RBP5: variants seen among roughly 807,000 people sequenced by gnomAD.
RBP5 encodes the protein retinol binding protein 5.
Under a neutral mutation model 17.8 loss-of-function variants are expected in RBP5, and 12 were observed. That is an observed-to-expected ratio of 0.67 (90% CI 0.43 to 1.09). RBP5 has a LOEUF of 1.09. Among genes scored for constraint, RBP5 ranks in the 50% least tolerant of loss-of-function variants. RBP5 has a pLI of 0.00. For missense variants in RBP5, 172 were observed against 169.4 expected (o/e 1.02, Z -0.09); for synonymous variants, 64 against 68.1 (o/e 0.94, Z 0.30).
At chr12:7,120,363 G>A (rs1358469802), downstream of RBP5, 2 of 154,514 alleles carry the variant, frequency 1.3e-5, no homozygotes, top group African/African-American at 4.8e-5. Context: ...CAGGCCTGGA[G>A]AGTGCCGATT....
At position 7,128,363 on chromosome 12, in the gene RBP5, G is replaced by A. The variant is rs1565646027; in HGVS notation, c.129C>T (p.Ile43=). ...IALLLKPDKE[I]EHQGNHMTVR... ...CCGTCATGTGGTTGCCCTGGTGTTC[G>A]ATCTCCTTGTCCGGCTTCAGCAGCA... The change falls in exon 2 of 4, where the codon ATC becomes ATT. Residue 43 remains isoleucine (I), a synonymous_variant. Coordinates refer to ENST00000266560, the MANE Select transcript of RBP5 (RefSeq NM_031491.4). This position sits in a 1 kb window ranked among gnomAD's most constrained non-coding sequence, Gnocchi z 5.3. The A allele has an allele frequency of 1.2e-6, 2 of 1,614,176 alleles. No individual in the cohort carries two copies. The highest frequency in any genetic ancestry group is 2.2e-5 in the East Asian group (1 of 44,890).
chr12:7,126,558 T>TGC (rs2135784136), intron 2 of RBP5, among the ~76,000 whole-genome samples: 1 of 145,050 alleles, frequency 6.9e-6, no homozygotes, highest in East Asian at 2.0e-4. Context: ...TGTGTGTGTG[T>TGC]GCTGGGAGCC....
In RBP5 at chr12:7,128,430, G is replaced by A; in HGVS notation, c.74-12C>T. The A allele has an allele frequency of 6.2e-7, 1 of 1,613,556 alleles. No individual in the cohort carries two copies. The highest frequency in any genetic ancestry group is 8.5e-7 in the Non-Finnish European group (1 of 1,179,628). Reference sequence around the variant, plus strand: ...AGCCAAGCTGATGTCTGTGGGGGCTGCCTGTTAGTAGGGGTGCTGCTAGCC... The same window carrying A: ...AGCCAAGCTGATGTCTGTGGGGGCTACCTGTTAGTAGGGGTGCTGCTAGCC... On this transcript the variant is annotated splice_polypyrimidine_tract_variant and intron_variant, in intron 1 of 3. Coordinates refer to ENST00000266560, the MANE Select transcript of RBP5 (RefSeq NM_031491.4). This position sits in a 1 kb window ranked among gnomAD's most constrained non-coding sequence, Gnocchi z 5.3.
At position 7,128,378 on chromosome 12, in the gene RBP5, C is replaced by A. The variant is rs761628571; in HGVS notation, c.114G>T (p.Lys38Asn). ...CCTGGTGTTCGATCTCCTTGTCCGG[C>A]TTCAGCAGCAGCGCGATCTTCCGCA... ...LAVRKIALLL[K>N]PDKEIEHQGN... is the part of the protein sequence containing the mutation. The change falls in exon 2 of 4, where the codon AAG becomes AAT. Residue 38 changes from lysine to asparagine, a missense_variant. Lys to Asn is a moderately conservative substitution (Grantham distance 94). Coordinates refer to ENST00000266560, the MANE Select transcript of RBP5 (RefSeq NM_031491.4). This position sits in a 1 kb window ranked among gnomAD's most constrained non-coding sequence, Gnocchi z 5.3. 35 of 1,614,114 alleles carry A rather than the reference C, an allele frequency of 2.2e-5. 1 individual carries two copies. In the Admixed American group the frequency reaches 2.8e-4, roughly 13 times the overall value.
rs764948725 is a variant in RBP5 at position 7,128,380 on chromosome 12, T to G, written c.112A>C (p.Lys38Gln). ...LAVRKIALLL[K>Q]PDKEIEHQGN... ...TGGTGTTCGATCTCCTTGTCCGGCTTCAGCAGCAGCGCGATCTTCCGCACA... is the reference window on the plus strand; with the variant it reads ...TGGTGTTCGATCTCCTTGTCCGGCTGCAGCAGCAGCGCGATCTTCCGCACA... The change falls in exon 2 of 4, where the codon AAG becomes CAG. Residue 38 changes from lysine (K) to glutamine (Q), a missense_variant. Coordinates refer to ENST00000266560, the MANE Select transcript of RBP5 (RefSeq NM_031491.4). This position sits in a 1 kb window ranked among gnomAD's most constrained non-coding sequence, Gnocchi z 5.3. The G allele has an allele frequency of 1.0e-4, 168 of 1,614,058 alleles. No homozygotes were observed. Among genetic ancestry groups the G allele is most frequent in the Non-Finnish European group, 9.6e-5 (113 of 1,180,014 alleles).
exon 4 of RBP5, chr12:7,116,278 C>T (rs1939003586): frequency 6.6e-6 from 1 of 152,208 alleles, no homozygotes; most frequent in African/African-American, 2.4e-5. Flanking sequence ...AACTGACCAT[C>T]CAGGTTTGGC....
At chr12:7,122,954 G>C (rs1018904330), downstream of RBP5, among the ~76,000 whole-genome samples, 1 of 151,976 alleles carries the variant, frequency 6.6e-6, no homozygotes, top group Non-Finnish European at 1.5e-5. Flanking sequence ...TGACTGTCTT[G>C]TGTGCATGGG....
At chr12:7,122,694 G>A (rs1217435557), downstream of RBP5, among the ~76,000 whole-genome samples, 1 of 151,972 alleles carries the variant, frequency 6.6e-6, no homozygotes, top group Non-Finnish European at 1.5e-5. Flanking sequence ...GGCAATGGGC[G>A]AGTACACACG....
Position 7,128,828 on chromosome 12 carries a change from G to A in RBP5, c.-53C>T, listed in dbSNP as rs116879695. The A allele has an allele frequency of 7.1e-7, 1 of 1,400,822 alleles. No homozygotes were observed. The highest frequency in any genetic ancestry group is 1.2e-5 in the South Asian group (1 of 81,282). 86.8% of individuals were successfully genotyped at this position (1,400,822 alleles called of 1,614,324 possible). ...CAGGAGACAGGGTGAGGAAGGAGGG[G>A]GTGTTGTCTGGCAGGTGAGGCTGAG... is the stretch of plus-strand genomic sequence containing the variant. On this transcript the variant is annotated 5_prime_UTR_variant, in exon 1 of 4. Coordinates refer to ENST00000266560, the MANE Select transcript of RBP5 (RefSeq NM_031491.4). This position sits in a 1 kb window ranked among gnomAD's most constrained non-coding sequence, Gnocchi z 5.3.
Position 7,124,246 on chromosome 12 carries a change from C to T in RBP5, c.355-72G>A. ...CCAGCCAGAGCCCCTTTCTCAAGGT[C>T]CTTGACCTCCATTTACTCCTTCCGG... On this transcript the variant is annotated intron_variant, in intron 3 of 3. Transcript: ENST00000266560. The surrounding 1 kb of genome is among the most constrained non-coding windows in gnomAD (Gnocchi z 5.3). 7.2e-7 allele frequency: 1 copy of T among 1,388,404 alleles called. No homozygotes were observed. Among genetic ancestry groups the T allele is most frequent in the Non-Finnish European group, 1.0e-6 (1 of 977,386 alleles). The allele number at this position is 1,388,404 out of a possible 1,614,324, so 86.0% of individuals were successfully genotyped here. A position where few individuals can be genotyped will look rare whatever the true frequency, so the allele number is the denominator to read the frequency against.
At chr12:7,129,689 C>T, upstream of RBP5, 1 of 985,556 alleles carries the variant, frequency 1.0e-6, no homozygotes, top group Non-Finnish European at 1.2e-6. This position sits in a 1 kb window ranked among gnomAD's most constrained non-coding sequence, Gnocchi z 5.5. Context: ...GCCCCGCCCC[C>T]AGCTGCCCAA....
In RBP5 at chr12:7,128,494, T is replaced by A; in HGVS notation, c.74-76A>T. Reference sequence around the variant, plus strand: ...TCTGCCTGCAGCAGCCCCTCAGGGCTGTGAGTTTCCCTTCTTTGGGTCTGG... The same window carrying A: ...TCTGCCTGCAGCAGCCCCTCAGGGCAGTGAGTTTCCCTTCTTTGGGTCTGG... On this transcript the variant is annotated intron_variant, in intron 1 of 3. Transcript: ENST00000266560. This position sits in a 1 kb window ranked among gnomAD's most constrained non-coding sequence, Gnocchi z 5.3. 6.7e-7 allele frequency: 1 copy of A among 1,483,484 alleles called. No individual in the cohort carries two copies. The highest frequency in any genetic ancestry group is 9.3e-7 in the Non-Finnish European group (1 of 1,072,036). The allele number at this position is 1,483,484 out of a possible 1,614,324, so 91.9% of individuals were successfully genotyped here. A position where few individuals can be genotyped will look rare whatever the true frequency, so the allele number is the denominator to read the frequency against.
upstream of RBP5, chr12:7,128,900 G>C: frequency 2.6e-6 from 2 of 779,590 alleles, no homozygotes; most frequent in South Asian, 3.0e-5. The surrounding 1 kb of genome is among the most constrained non-coding windows in gnomAD (Gnocchi z 5.3). Flanking sequence ...GTAATGGCCG[G>C]GTTACCAGGG....
At chr12:7,126,997 T>A (rs1250468972) in intron 2 of RBP5, among the ~76,000 whole-genome samples, 68 of 145,594 alleles carry the variant, frequency 4.7e-4, no homozygotes, top group Non-Finnish European at 8.7e-4. Context: ...TATTTTTTTT[T>A]TTTTTTTTTT....
Position 7,124,244 on chromosome 12 carries a change from G to C in RBP5, c.355-70C>G. On this transcript the variant is annotated intron_variant, in intron 3 of 3. Coordinates refer to ENST00000266560, the MANE Select transcript of RBP5 (RefSeq NM_031491.4). This position sits in a 1 kb window ranked among gnomAD's most constrained non-coding sequence, Gnocchi z 5.3. ...TGCCAGCCAGAGCCCCTTTCTCAAG[G>C]TCCTTGACCTCCATTTACTCCTTCC... The C allele has an allele frequency of 7.1e-7, 1 of 1,410,020 alleles. No homozygotes were observed. The highest frequency in any genetic ancestry group is 1.0e-6 in the Non-Finnish European group (1 of 996,624). 87.3% of individuals were successfully genotyped at this position (1,410,020 alleles called of 1,614,324 possible). A position where few individuals can be genotyped will look rare whatever the true frequency, so the allele number is the denominator to read the frequency against.
At chr12:7,119,855 C>T (rs75536806), downstream of RBP5, among the ~76,000 whole-genome samples, 605 of 152,310 alleles carry the variant, frequency 4.0e-3, 3 homozygotes, top group African/African-American at 0.014. Flanking sequence ...TGAAGGCTGG[C>T]GATTTGTATA....
At chr12:7,123,422 C>T (rs1939108436), downstream of RBP5, among the ~76,000 whole-genome samples, 1 of 152,192 alleles carries the variant, frequency 6.6e-6, no homozygotes, top group South Asian at 2.1e-4. Context: ...TTTCTTGCTG[C>T]TTGCCCTTCC....
downstream of RBP5, among the ~76,000 whole-genome samples, chr12:7,120,150 C>A (rs927362253): frequency 1.3e-5 from 2 of 152,068 alleles, no homozygotes; most frequent in African/African-American, 2.4e-5. Flanking sequence ...AGGAGGCTCA[C>A]CCCCAGCTAG....
chr12:7,127,413 A>C (rs1230990590), intron 2 of RBP5: 1 of 414,532 alleles, frequency 2.4e-6, no homozygotes, highest in Non-Finnish European at 4.4e-6. Context: ...TATGGGTGTG[A>C]GCCACCACGC....
Sources: gnomAD v4.1 joint callset for allele counts (sites outside exome capture counted in the v4.1 genomes callset) on GRCh38, gnomAD v4.1.1 for gene constraint, Gnocchi (gnomAD v3.1) non-coding constraint, MANE v1.5 for transcripts, NCBI Gene and HGNC (gene_info 2026-07-23, HGNC 2026-07-21) for gene names.